Variants in BRAP observed in about 807,000 individuals in gnomAD.
The protein encoded by BRAP is BRCA1-associated protein.
A neutral mutation model predicts 73.4 loss-of-function variants in BRAP; 42 were observed. That is an observed-to-expected ratio of 0.57 (90% confidence interval 0.45 to 0.74). The LOEUF is 0.74. Ranked by LOEUF, BRAP falls within the 30% of genes least tolerant of loss-of-function variation. BRAP has a pLI of 0.00. For missense variants in BRAP, 593 were observed against 751.4 expected (o/e 0.79, Z 2.46); for synonymous variants, 255 against 267.4 (o/e 0.95, Z 0.45).
intron 11 of BRAP, among the ~76,000 whole-genome samples, chr12:111,647,234 G>C (rs997221132): frequency 1.3e-5 from 2 of 152,148 alleles, no homozygotes; most frequent in Non-Finnish European, 2.9e-5. Context: ...TTACGCCACT[G>C]TACTCTGGCC....
rs1302931233 is a variant in BRAP, at chr12:111,662,886, C to T, written c.897-2211G>A. On this transcript the variant is annotated intron_variant, in intron 6 of 11. Transcript: ENST00000419234. ...CTGTAATCCCAGCACTTTGAGAGGC[C>T]GAGGCAGGAGGATGGCTTGAAGCCA... 3.4e-5 allele frequency among the ~76,000 whole-genome samples: 5 copies of T among 149,124 alleles called. No individual in the cohort carries two copies. In the East Asian group the frequency reaches 7.9e-4, roughly 23 times the overall value.
intron 6 of BRAP, among the ~76,000 whole-genome samples, chr12:111,662,116 C>A (rs1886778812): frequency 6.6e-6 from 1 of 152,082 alleles, no homozygotes; most frequent in Admixed American, 6.5e-5. Context: ...TGAAAAAATC[C>A]ATTAACTGTT....
chr12:111,679,731 G>A (rs1324947830), intron 3 of BRAP, among the ~76,000 whole-genome samples: 1 of 151,678 alleles, frequency 6.6e-6, no homozygotes, highest in Non-Finnish European at 1.5e-5. Context: ...AAAAAAATTA[G>A]CCGGGCATGG....
At chr12:111,672,082 T>C (rs1887200006) in intron 5 of BRAP, among the ~76,000 whole-genome samples, 1 of 152,074 alleles carries the variant, frequency 6.6e-6, no homozygotes, top group African/African-American at 2.4e-5. Flanking sequence ...GGTACACACT[T>C]GTAGTCCCAG....
chr12:111,648,518 A>G (rs1886198519), intron 11 of BRAP, among the ~76,000 whole-genome samples: 1 of 145,570 alleles, frequency 6.9e-6, no homozygotes, highest in South Asian at 2.2e-4. Flanking sequence ...AGGCTGAGGC[A>G]GGAGAATCAC....
At position 111,643,011 on chromosome 12, in the gene BRAP, A is replaced by C. The variant is rs1013619930; in HGVS notation, c.*1188T>G. 2.0e-5 allele frequency: 3 copies of C among 152,220 alleles called. No individual in the cohort carries two copies. Among genetic ancestry groups the C allele is most frequent in the African/African-American group, 4.8e-5 (2 of 41,468 alleles). 9.4% of individuals were successfully genotyped at this position (152,220 alleles called of 1,614,324 possible). A position where few individuals can be genotyped will look rare whatever the true frequency, so the allele number is the denominator to read the frequency against. ...ACTAAAACCTGTTGTTTAACAATAC[A>C]TCTTACTAACCTATCCCTCTACCTC... On this transcript the variant is annotated 3_prime_UTR_variant, in exon 12 of 12. Transcript: ENST00000419234.
chr12:111,679,345 C>CAAA lies in BRAP; in HGVS notation c.444-8_444-6dup. 1 of 1,336,646 alleles carries CAAA rather than the reference C, an allele frequency of 7.5e-7. No individual in the cohort carries two copies. Among genetic ancestry groups the CAAA allele is most frequent in the Non-Finnish European group, 1.0e-6 (1 of 1,002,076 alleles). The allele number at this position is 1,336,646 out of a possible 1,614,324, so 82.8% of individuals were successfully genotyped here. ...TCTTTTAAGGAGGTCATCTTACTAACAAAAAAAAAATTAGAGTGTCTTGAA... is the reference window on the plus strand; with the variant it reads ...TCTTTTAAGGAGGTCATCTTACTAACAAAAAAAAAAAAATTAGAGTGTCTTGAA... On this transcript the variant is annotated splice_region_variant and splice_polypyrimidine_tract_variant and intron_variant, in intron 3 of 11. Coordinates refer to ENST00000419234, the MANE Select transcript of BRAP (RefSeq NM_006768.5).
At position 111,679,235 on chromosome 12, in the gene BRAP, T is replaced by C. The variant is rs750423882; in HGVS notation, c.549A>G (p.Pro183=). The C allele has an allele frequency of 6.2e-7, 1 of 1,611,024 alleles. No individual in the cohort carries two copies. The highest frequency in any genetic ancestry group is 8.5e-7 in the Non-Finnish European group (1 of 1,178,160). The part of the protein sequence containing the change: ...TSHDLMKFVA[P]FNEVIEQMKI... ...TCATTTGTTCAATTACTTCGTTAAA[T>C]GGGGCAACAAACTTCATAAGGTCAT... Residue 183 remains proline, a synonymous_variant, in exon 4 of 12, where the codon CCA becomes CCG. Coordinates refer to ENST00000419234, the MANE Select transcript of BRAP (RefSeq NM_006768.5).
At chr12:111,671,853 T>C (rs903901903) in intron 5 of BRAP, among the ~76,000 whole-genome samples, 1 of 151,732 alleles carries the variant, frequency 6.6e-6, no homozygotes, top group African/African-American at 2.4e-5. Flanking sequence ...ACCTGGCTAA[T>C]TTTTGTATTT....
Position 111,650,050 on chromosome 12 carries a change from A to T in BRAP, c.1312-8T>A. The T allele has an allele frequency of 1.3e-6, 2 of 1,550,162 alleles. No individual in the cohort carries two copies. The highest frequency in any genetic ancestry group is 1.8e-6 in the Non-Finnish European group (2 of 1,123,614). ...GGTCTTCATGTTGTTAATCTGAAAG[A>T]GCAAAGAGAAATCAGATTCATTTCA... On this transcript the variant is annotated splice_polypyrimidine_tract_variant and splice_region_variant and intron_variant, in intron 10 of 11. Transcript: ENST00000419234.
At chr12:111,657,992 G>A (rs1355806799) in intron 9 of BRAP, among the ~76,000 whole-genome samples, 1 of 149,926 alleles carries the variant, frequency 6.7e-6, no homozygotes, top group Non-Finnish European at 1.5e-5. Context: ...AGGCTAGAAT[G>A]CAGTGGCACA....
chr12:111,675,152 T>C (rs1440479184), intron 4 of BRAP, among the ~76,000 whole-genome samples: 1 of 151,900 alleles, frequency 6.6e-6, no homozygotes, highest in Non-Finnish European at 1.5e-5. Flanking sequence ...TCCCAGCTAT[T>C]TGGGAGGCTG....
intron 3 of BRAP, among the ~76,000 whole-genome samples, chr12:111,679,618 G>A (rs900835624): frequency 4.6e-5 from 7 of 151,806 alleles, no homozygotes; most frequent in Admixed American, 1.3e-4. Flanking sequence ...GCTCATGCTC[G>A]TAATCCCAGC....
Position 111,665,524 on chromosome 12 carries a change from G to GACCC in BRAP, c.896+114_896+115insGGGT, listed in dbSNP as rs1362218257. Reference sequence around the variant, plus strand: ...ACTTAGGAAAGGGAAGGAGAAAAAGGACCTCTTGAATAAAGTCAAATACTT... The same window carrying GACCC: ...ACTTAGGAAAGGGAAGGAGAAAAAGGACCCACCTCTTGAATAAAGTCAAATACTT... On this transcript the variant is annotated intron_variant, in intron 6 of 11. Transcript: ENST00000419234. This position sits in a 1 kb window ranked among gnomAD's most constrained non-coding sequence, Gnocchi z 4.3. 2 of 1,400,152 alleles carry GACCC rather than the reference G, an allele frequency of 1.4e-6. No homozygotes were observed. The highest frequency in any genetic ancestry group is 2.9e-5 in the African/African-American group (2 of 69,382). The allele number at this position is 1,400,152 out of a possible 1,614,324, so 86.7% of individuals were successfully genotyped here.
intron 3 of BRAP, among the ~76,000 whole-genome samples, chr12:111,681,241 G>A (rs1487231473): frequency 8.6e-5 from 13 of 151,906 alleles, no homozygotes. Flanking sequence ...GTGGTGGTGG[G>A]CACCTGTAAT....
At chr12:111,647,205 A>T (rs976246170) in intron 11 of BRAP, among the ~76,000 whole-genome samples, 2 of 152,212 alleles carry the variant, frequency 1.3e-5, no homozygotes, top group African/African-American at 4.8e-5. Context: ...CAGTAGCTGG[A>T]GGTTGCAGTG....
Position 111,644,250 on chromosome 12 carries a change from C to G in BRAP, c.1728G>C (p.Gly576=). ...MASASSPASS[G]GSGKLPSRKG... ...TCCTGGAGGGCAACTTCCCACTGCCCCCCGAAGAGGCAGGGCTCGAGGCCG... is the reference window on the plus strand; with the variant it reads ...TCCTGGAGGGCAACTTCCCACTGCCGCCCGAAGAGGCAGGGCTCGAGGCCG... The change falls in exon 12 of 12, where the codon GGG becomes GGC. Residue 576 remains glycine (G), a synonymous_variant. Coordinates refer to ENST00000419234, the MANE Select transcript of BRAP (RefSeq NM_006768.5). 1 of 1,613,914 alleles carries G rather than the reference C, an allele frequency of 6.2e-7. No homozygotes were observed. Among genetic ancestry groups the G allele is most frequent in the Non-Finnish European group, 8.5e-7 (1 of 1,180,024 alleles).
intron 10 of BRAP, among the ~76,000 whole-genome samples, chr12:111,654,088 C>T (rs758531093): frequency 6.6e-6 from 1 of 152,176 alleles, no homozygotes; most frequent in Admixed American, 6.5e-5. Context: ...AGTGGAGCTG[C>T]CAATGCACTT....
rs920934032 is a variant in BRAP, at chr12:111,642,807, T to G, written c.*1392A>C. On this transcript the variant is annotated 3_prime_UTR_variant, in exon 12 of 12. Transcript: ENST00000419234. Reference sequence around the variant, plus strand: ...TCATTTTGCAACATTACACGTAAAGTTTTTTGGGAAATGCTGCAGCACATC... The same window carrying G: ...TCATTTTGCAACATTACACGTAAAGGTTTTTGGGAAATGCTGCAGCACATC... 6.6e-6 allele frequency: 1 copy of G among 152,062 alleles called. No individual in the cohort carries two copies. The highest frequency in any genetic ancestry group is 1.5e-5 in the Non-Finnish European group (1 of 68,004). 9.4% of individuals were successfully genotyped at this position (152,062 alleles called of 1,614,324 possible).
Sources: gnomAD v4.1 joint callset for allele counts (sites outside exome capture counted in the v4.1 genomes callset) on GRCh38, gnomAD v4.1.1 for gene constraint, Gnocchi (gnomAD v3.1) non-coding constraint, MANE v1.5 for transcripts, NCBI Gene and HGNC (gene_info 2026-07-23, HGNC 2026-07-21) for gene names.